The following CAMK2D variants were observed in gnomAD, a reference collection of about 807,000 sequenced individuals.
The protein encoded by CAMK2D is calcium/calmodulin dependent protein kinase II delta.
CAMK2D carries 37 observed loss-of-function variants against 84.0 expected under a neutral mutation model. The ratio of observed to expected loss-of-function variants is 0.44; its 90% CI spans 0.34 to 0.58. CAMK2D has a LOEUF of 0.58. CAMK2D is among the 20% of genes least tolerant of loss of function. The pLI is 0.02. For synonymous variants in CAMK2D, 202 were observed against 212.5 expected, an observed-to-expected ratio of 0.95 and a Z score of 0.43; for missense variants, 448 against 652.5, an observed-to-expected ratio of 0.69 and a Z score of 3.41.
In CAMK2D at chr4:113,513,030, C is replaced by T. The variant is rs61229818; in HGVS notation, c.946+298G>A. 1,146 of 192,962 alleles carry T rather than the reference C, an allele frequency of 5.9e-3. 15 individuals carry two copies. Among genetic ancestry groups the T allele is most frequent in the African/African-American group, 0.026 (1,084 of 42,278 alleles). 12.0% of individuals were successfully genotyped at this position (192,962 alleles called of 1,614,324 possible). On this transcript the variant is annotated intron_variant, in intron 12 of 20. Transcript: ENST00000511664. ...TGAGGGAGTATTTATTTCCACAACT[C>T]GTGCGCACCCCAGCACTTGACAGAT...
At chr4:113,590,459 T>C (rs2098864858) in intron 4 of CAMK2D, among the ~76,000 whole-genome samples, 1 of 152,100 alleles carries the variant, frequency 6.6e-6, no homozygotes, top group Non-Finnish European at 1.5e-5. Context: ...ACAAGAAATA[T>C]AAGAAATTAC....
At chr4:113,715,742 A>T (rs2099511502) in intron 2 of CAMK2D, among the ~76,000 whole-genome samples, 1 of 152,202 alleles carries the variant, frequency 6.6e-6, no homozygotes, top group African/African-American at 2.4e-5. Flanking sequence ...CTGATTGTGT[A>T]ACAAAAAGTT....
At chr4:113,667,437 A>T (rs7699321) in intron 2 of CAMK2D, among the ~76,000 whole-genome samples, 1 of 152,334 alleles carries the variant, frequency 6.6e-6, no homozygotes, top group East Asian at 1.9e-4. Flanking sequence ...TTAAAGAAAG[A>T]TGCACTTTTT....
intron 3 of CAMK2D, among the ~76,000 whole-genome samples, chr4:113,613,444 A>C (rs2099008901): frequency 6.6e-6 from 1 of 152,180 alleles, no homozygotes; most frequent in Non-Finnish European, 1.5e-5. Context: ...AAAAAAATTC[A>C]AAAGAGAAGA....
intron 16 of CAMK2D, among the ~76,000 whole-genome samples, chr4:113,482,820 C>A (rs1302604858): frequency 1.3e-5 from 2 of 152,174 alleles, no homozygotes; most frequent in Admixed American, 6.5e-5. Context: ...GAAGTAGTCA[C>A]ATATATGTAA....
At chr4:113,645,119 C>G (rs2099146455) in intron 3 of CAMK2D, among the ~76,000 whole-genome samples, 1 of 152,176 alleles carries the variant, frequency 6.6e-6, no homozygotes, top group Non-Finnish European at 1.5e-5. Context: ...CGGGTTCACG[C>G]CATTCTCCTG....
chr4:113,469,769 A>C (rs1486778911), intron 16 of CAMK2D, among the ~76,000 whole-genome samples: 1 of 152,196 alleles, frequency 6.6e-6, no homozygotes, highest in African/African-American at 2.4e-5. Context: ...CAGTTGCATA[A>C]GCCAGAAAGA....
intron 2 of CAMK2D, among the ~76,000 whole-genome samples, chr4:113,723,570 A>T (rs946130934): frequency 2.0e-5 from 3 of 152,218 alleles, no homozygotes; most frequent in African/African-American, 7.2e-5. Flanking sequence ...AAGTAAAATA[A>T]ATCAGTGAGG....
At chr4:113,751,232 T>TA (rs1349223787) in intron 2 of CAMK2D, among the ~76,000 whole-genome samples, 24 of 152,192 alleles carry the variant, frequency 1.6e-4, no homozygotes, top group Non-Finnish European at 2.6e-4. Context: ...TACTAACAAA[T>TA]AACCCTCAGC....
At chr4:113,550,877 A>T (rs1165903865) in intron 5 of CAMK2D, among the ~76,000 whole-genome samples, 1 of 152,236 alleles carries the variant, frequency 6.6e-6, no homozygotes, top group Non-Finnish European at 1.5e-5. Flanking sequence ...GAGCGTAGTC[A>T]TGTACAGATA....
intron 2 of CAMK2D, among the ~76,000 whole-genome samples, chr4:113,701,270 A>C (rs1413422415): frequency 6.6e-6 from 1 of 152,132 alleles, no homozygotes; most frequent in African/African-American, 2.4e-5. Flanking sequence ...TTCACCTCCA[A>C]AAGAATTTTT....
chr4:113,740,966 C>G (rs773435479), intron 2 of CAMK2D, among the ~76,000 whole-genome samples: 5 of 151,988 alleles, frequency 3.3e-5, no homozygotes, highest in Non-Finnish European at 5.9e-5. Context: ...TTCTGAGAAG[C>G]ATGATAAAAT....
intron 3 of CAMK2D, among the ~76,000 whole-genome samples, chr4:113,617,094 T>G (rs2099024343): frequency 6.6e-6 from 1 of 152,202 alleles, no homozygotes; most frequent in African/African-American, 2.4e-5. Context: ...TCTTCTTGCC[T>G]TATGTTTTTG....
intron 4 of CAMK2D, among the ~76,000 whole-genome samples, chr4:113,601,102 A>G (rs1247267373): frequency 1.3e-5 from 2 of 152,264 alleles, no homozygotes; most frequent in East Asian, 3.8e-4. Context: ...CTCCTTCTGT[A>G]GGTTGTAACT....
Position 113,470,604 on chromosome 4 carries a change from C to G in CAMK2D, c.1136-5000G>C, listed in dbSNP as rs547682654. Among the ~76,000 whole-genome samples the G allele has an allele frequency of 4.0e-5, 6 of 151,130 alleles. No individual in the cohort carries two copies. In the South Asian group the frequency reaches 1.3e-3, roughly 32 times the overall value. On this transcript the variant is annotated intron_variant, in intron 16 of 20. Transcript: ENST00000511664. The stretch of plus-strand genomic sequence containing the variant: ...AGTGAGCTGAGATTGCACCATTGCA[C>G]TCCAGCCTGGTGACAGAGCGAGACT...
chr4:113,618,979 T>A (rs2099033413), intron 3 of CAMK2D, among the ~76,000 whole-genome samples: 3 of 152,144 alleles, frequency 2.0e-5, no homozygotes, highest in African/African-American at 7.2e-5. Flanking sequence ...ATCAAGGAAG[T>A]TATAATGAAT....
chr4:113,657,314 G>A (rs564379558), intron 3 of CAMK2D, among the ~76,000 whole-genome samples: 98 of 152,182 alleles, frequency 6.4e-4, no homozygotes, highest in Non-Finnish European at 1.2e-3. Flanking sequence ...TTATTATGGT[G>A]TTTTGTTTAT....
intron 2 of CAMK2D, among the ~76,000 whole-genome samples, chr4:113,682,325 ATT>A (rs1036970920): frequency 6.6e-6 from 1 of 152,096 alleles, no homozygotes; most frequent in African/African-American, 2.4e-5. Flanking sequence ...AGAAAAATTA[ATT>A]TCTCATATAA....
intron 2 of CAMK2D, among the ~76,000 whole-genome samples, chr4:113,748,621 CTTA>C (rs1554094294): frequency 1.3e-5 from 2 of 151,904 alleles, no homozygotes; most frequent in Non-Finnish European, 2.9e-5. Context: ...GTATAATTCA[CTTA>C]TTAAGAATTC....
Sources: allele counts gnomAD v4.1 joint callset (sites outside exome capture counted in the v4.1 genomes callset), GRCh38; gene constraint gnomAD v4.1.1; transcripts MANE v1.5; gene names NCBI Gene and HGNC (gene_info 2026-07-23, HGNC 2026-07-21).